Variants in DACH2 observed in about 807,000 individuals in gnomAD.
DACH2 encodes dachshund homolog 2.
Under a neutral mutation model 35.8 loss-of-function variants are expected in DACH2, and 17 were observed. That is an observed-to-expected ratio of 0.48 (90% CI 0.33 to 0.71). DACH2 has a LOEUF of 0.71. DACH2 is among the 30% of genes least tolerant of loss of function. The pLI, the probability that DACH2 is intolerant of heterozygous loss-of-function variation, is 0.02. For synonymous variants in DACH2, 195 were observed against 177.3 expected (o/e 1.10, Z -0.79); for missense variants, 469 against 472.7 (o/e 0.99, Z 0.07).
rs765709576 is a variant in DACH2 at position 86,454,971 on chromosome X, G to A, written c.528-59308G>A. 2.7e-5 allele frequency among the ~76,000 whole-genome samples: 3 copies of A among 111,219 alleles called. No homozygotes were observed. In the South Asian group the frequency reaches 1.1e-3, roughly 42 times the overall value. On this transcript the variant is annotated intron_variant, in intron 2 of 11. Coordinates refer to ENST00000373125, the MANE Select transcript of DACH2 (RefSeq NM_053281.3). ...AATGGGGTTTTATGGGGACATTTTT[G>A]TTGTTGTTGTTGTTTTCTGTTTGTT...
chrX:86,617,530 A>G (rs917911007), intron 3 of DACH2, among the ~76,000 whole-genome samples: 4 of 111,106 alleles, frequency 3.6e-5, no homozygotes, highest in Admixed American at 9.6e-5. Flanking sequence ...TATTCTTTTT[A>G]TGTAACTGGT....
At chrX:86,219,482 C>T (rs111648351) in intron 1 of DACH2, among the ~76,000 whole-genome samples, 1 of 110,857 alleles carries the variant, frequency 9.0e-6, no homozygotes, top group Non-Finnish European at 1.9e-5. Flanking sequence ...CTCAAGTAGA[C>T]CCCAGTGTCT....
intron 3 of DACH2, among the ~76,000 whole-genome samples, chrX:86,555,798 G>A (rs1413877087): frequency 1.8e-5 from 2 of 111,367 alleles, no homozygotes; most frequent in Non-Finnish European, 3.8e-5. Flanking sequence ...ATATTTTAGA[G>A]CTTTTGATGG....
In DACH2 at chrX:86,266,216, T is replaced by C. The variant is rs921127074; in HGVS notation, c.489-110608T>C. On this transcript the variant is annotated intron_variant, in intron 1 of 11. Coordinates refer to ENST00000373125, the MANE Select transcript of DACH2 (RefSeq NM_053281.3). ...CTAGGTGTGGGATAGGACTGAGACTTTGGATTTCTAACAAGTTCCCAGGTG... is the reference window on the plus strand; with the variant it reads ...CTAGGTGTGGGATAGGACTGAGACTCTGGATTTCTAACAAGTTCCCAGGTG... Among the ~76,000 whole-genome samples the C allele has an allele frequency of 2.7e-5, 3 of 111,336 alleles. No homozygotes were observed. The Admixed American group carries it at 2.9e-4, about 11-fold the overall frequency.
Position 86,324,436 on chromosome X carries a change from G to A in DACH2, c.489-52388G>A, listed in dbSNP as rs190973617. ...ATATTATATAAACTTAGTTGATAAA[G>A]CAGTGGTAGAGTTTGAGAGGATTGA... On this transcript the variant is annotated intron_variant, in intron 1 of 11. Transcript: ENST00000373125. Among the ~76,000 whole-genome samples, 816 of 111,386 alleles carry A rather than the reference G, an allele frequency of 7.3e-3. 8 individuals are homozygous for A. The highest frequency in any genetic ancestry group is 0.025 in the African/African-American group (780 of 30,663).
chrX:86,287,856 C>T (rs773997301), intron 1 of DACH2, among the ~76,000 whole-genome samples: 1 of 112,228 alleles, frequency 8.9e-6, no homozygotes, highest in South Asian at 3.7e-4. Context: ...TCTAAAAGGT[C>T]ACATATCTCT....
intron 4 of DACH2, among the ~76,000 whole-genome samples, chrX:86,652,084 C>T (rs984981622): frequency 9.0e-6 from 1 of 111,178 alleles, no homozygotes; most frequent in Non-Finnish European, 1.9e-5. Context: ...CTTTTCTGAA[C>T]TTCTCCCTCC....
intron 1 of DACH2, among the ~76,000 whole-genome samples, chrX:86,238,957 A>G (rs1229119659): frequency 9.0e-6 from 1 of 111,209 alleles, no homozygotes; most frequent in Non-Finnish European, 1.9e-5. Flanking sequence ...AGTGTGTTGT[A>G]TATTTATGAG....
At chrX:86,278,402 G>T (rs973646342) in intron 1 of DACH2, among the ~76,000 whole-genome samples, 1 of 111,677 alleles carries the variant, frequency 9.0e-6, no homozygotes, top group African/African-American at 3.3e-5. Context: ...TTTTTGCGGG[G>T]CAAATGCATC....
chrX:86,257,308 C>T lies in DACH2; in HGVS notation c.488+108200C>T, dbSNP rs761088554. 6.2e-5 allele frequency among the ~76,000 whole-genome samples: 7 copies of T among 112,233 alleles called. No individual in the cohort carries two copies. The Admixed American group carries it at 6.6e-4, about 11-fold the overall frequency. On this transcript the variant is annotated intron_variant, in intron 1 of 11. Transcript: ENST00000373125. Reference sequence around the variant, plus strand: ...CTTTATGTGCCTTATTGCATGTAACCTACTTTTGGGGTGTCTTGATATTTC... The same window carrying T: ...CTTTATGTGCCTTATTGCATGTAACTTACTTTTGGGGTGTCTTGATATTTC...
chrX:86,321,790 G>A (rs2035020581), intron 1 of DACH2, among the ~76,000 whole-genome samples: 1 of 112,322 alleles, frequency 8.9e-6, no homozygotes. Flanking sequence ...TTAAACACTT[G>A]CGTTAAATTT....
intron 2 of DACH2, among the ~76,000 whole-genome samples, chrX:86,496,985 A>T (rs1180870760): frequency 8.9e-6 from 1 of 112,156 alleles, no homozygotes; most frequent in African/African-American, 3.2e-5. Flanking sequence ...ATTAATCCTC[A>T]TTACAGGAAT....
At chrX:86,779,291 T>C (rs566483703) in intron 7 of DACH2, among the ~76,000 whole-genome samples, 2 of 111,379 alleles carry the variant, frequency 1.8e-5, no homozygotes, top group African/African-American at 6.5e-5. Flanking sequence ...GAGCTAACCA[T>C]GCTGCTGTCT....
chrX:86,788,477 G>A (rs1278703742), intron 7 of DACH2, among the ~76,000 whole-genome samples: 2 of 111,672 alleles, frequency 1.8e-5, no homozygotes, highest in East Asian at 5.6e-4. Flanking sequence ...CCCCATGTAT[G>A]CAATTGAATT....
chrX:86,651,093 C>T lies in DACH2; in HGVS notation c.698C>T (p.Ala233Val), dbSNP rs1191569605. 8.3e-7 allele frequency: 1 copy of T among 1,207,241 alleles called. No individual in the cohort carries two copies. Among genetic ancestry groups the T allele is most frequent in the African/African-American group, 1.8e-5 (1 of 57,083 alleles). Residue 233 changes from alanine (A) to valine (V), a missense_variant, in exon 4 of 12, where the codon GCT becomes GTT. Ala to Val is a moderately conservative substitution (Grantham distance 64). This residue lies in a region of DACH2 where 363 missense variants were observed against 334.4 expected (regional missense o/e 1.09). Coordinates refer to ENST00000373125, the MANE Select transcript of DACH2 (RefSeq NM_053281.3). ...AAACTTCAGAAGATGAAGCTTATGG[C>T]TATGAACACTCTTCAGGGAAATGGA... ...AMKLQKMKLMAMNTLQGNGSQ... is the reference protein window; with the variant it reads ...AMKLQKMKLMVMNTLQGNGSQ...
At chrX:86,556,060 G>T (rs905278069) in intron 3 of DACH2, among the ~76,000 whole-genome samples, 2 of 111,775 alleles carry the variant, frequency 1.8e-5, no homozygotes, top group Admixed American at 9.6e-5. Context: ...GTGATGATGA[G>T]TAAAAGAGAG....
chrX:86,444,615 T>C (rs1414441987), intron 2 of DACH2, among the ~76,000 whole-genome samples: 1 of 111,750 alleles, frequency 8.9e-6, no homozygotes, highest in Admixed American at 9.6e-5. Flanking sequence ...ATTTCTGTGG[T>C]ATCAGTTGTA....
intron 1 of DACH2, among the ~76,000 whole-genome samples, chrX:86,290,858 A>G (rs2034272276): frequency 9.6e-6 from 1 of 104,368 alleles, no homozygotes; most frequent in Non-Finnish European, 1.9e-5. Flanking sequence ...AGGTAGTGTG[A>G]TGCCTCCAGC....
At chrX:86,190,300 T>A (rs950629127) in intron 1 of DACH2, among the ~76,000 whole-genome samples, 4 of 112,252 alleles carry the variant, frequency 3.6e-5, no homozygotes, top group Non-Finnish European at 7.5e-5. Context: ...TTCTCTACAA[T>A]TTTGTTCTTT....
Sources: allele counts gnomAD v4.1 joint callset (sites outside exome capture counted in the v4.1 genomes callset), GRCh38; gene constraint gnomAD v4.1.1; regional missense constraint gnomAD v4.1.1; transcripts MANE v1.5; gene names NCBI Gene and HGNC (gene_info 2026-07-23, HGNC 2026-07-21).